Variants in ASIC2 observed in about 807,000 individuals in gnomAD.
ASIC2 encodes acid sensing ion channel subunit 2.
In ASIC2, 25 loss-of-function variants were observed where a neutral mutation model predicts 57.3. The observed-to-expected ratio is 0.44, with a 90% CI of 0.32 to 0.61. The LOEUF (loss-of-function observed/expected upper bound fraction) is 0.61, where lower values mean the gene tolerates loss of function less well. Among genes scored for constraint, ASIC2 ranks in the 20% least tolerant of loss-of-function variants. The probability of loss-of-function intolerance (pLI) is 0.06; values close to 1 mark genes in which losing one functional copy is unlikely to be tolerated. For missense variants in ASIC2, 641 were observed against 738.1 expected (o/e 0.87, Z 1.52); for synonymous variants, 319 against 307.5 (o/e 1.04, Z -0.39).
chr17:33,295,141 T>G (rs1257452414), upstream of ASIC2, among the ~76,000 whole-genome samples: 1 of 152,248 alleles, frequency 6.6e-6, no homozygotes, highest in Non-Finnish European at 1.5e-5. Context: ...TCAGCTGTTG[T>G]GGGCTTGCTC....
chr17:33,549,720 G>T (rs1427149162), intron 1 of ASIC2, among the ~76,000 whole-genome samples: 2 of 152,118 alleles, frequency 1.3e-5, no homozygotes, highest in Non-Finnish European at 2.9e-5. Flanking sequence ...CTCCTTTAGG[G>T]AAATCTGTGA....
intron 1 of ASIC2, among the ~76,000 whole-genome samples, chr17:33,511,834 T>C (rs970845892): frequency 6.6e-6 from 1 of 152,172 alleles, no homozygotes; most frequent in Admixed American, 6.5e-5. Flanking sequence ...ATGTGGGTGC[T>C]CTGTATATAG....
At chr17:33,301,320 T>A (rs1209763232) in intron 1 of ASIC2, among the ~76,000 whole-genome samples, 1 of 152,080 alleles carries the variant, frequency 6.6e-6, no homozygotes, top group Non-Finnish European at 1.5e-5. Flanking sequence ...GGATTGCAGG[T>A]GTGAGCCACC....
chr17:33,500,976 C>T (rs1024339588), intron 1 of ASIC2, among the ~76,000 whole-genome samples: 12 of 152,222 alleles, frequency 7.9e-5, no homozygotes, highest in East Asian at 3.9e-4. Flanking sequence ...GTTTTAGTAT[C>T]GACATGGTGC....
At chr17:33,058,649 C>A (rs995627555) in intron 3 of ASIC2, among the ~76,000 whole-genome samples, 2 of 152,066 alleles carry the variant, frequency 1.3e-5, no homozygotes, top group African/African-American at 4.8e-5. Context: ...ATCTTCCTTT[C>A]GGCCCCTACT....
At chr17:33,396,269 C>T (rs2141955679) in intron 1 of ASIC2, among the ~76,000 whole-genome samples, 1 of 152,124 alleles carries the variant, frequency 6.6e-6, no homozygotes, top group East Asian at 1.9e-4. Context: ...GCAGATGCAC[C>T]TCTGGCTTCT....
chr17:33,063,107 C>G (rs547961077), intron 3 of ASIC2, among the ~76,000 whole-genome samples: 1 of 152,138 alleles, frequency 6.6e-6, no homozygotes, highest in Non-Finnish European at 1.5e-5. Context: ...GGTCTTGACT[C>G]GTTATCCAAT....
chr17:33,737,026 G>A (rs1909935212), intron 1 of ASIC2, among the ~76,000 whole-genome samples: 2 of 152,316 alleles, frequency 1.3e-5, no homozygotes, highest in South Asian at 4.1e-4. Flanking sequence ...TGTCTTTTTA[G>A]TGCTGCATCA....
chr17:34,083,825 G>A (rs188068679), intron 1 of ASIC2, among the ~76,000 whole-genome samples: 64 of 152,278 alleles, frequency 4.2e-4, no homozygotes, highest in Admixed American at 1.9e-3. Flanking sequence ...GTCTTCTTTC[G>A]AGAAGTGTCT....
At chr17:33,655,079 A>G (rs1409447937) in intron 1 of ASIC2, among the ~76,000 whole-genome samples, 1 of 152,164 alleles carries the variant, frequency 6.6e-6, no homozygotes, top group Non-Finnish European at 1.5e-5. Flanking sequence ...CACCCCATAC[A>G]CTGGGACAAG....
At chr17:33,556,615 G>C (rs1198336968) in intron 1 of ASIC2, among the ~76,000 whole-genome samples, 3 of 152,196 alleles carry the variant, frequency 2.0e-5, no homozygotes, top group African/African-American at 7.2e-5. Context: ...CTAATCTAAA[G>C]GTTTGTGGCT....
intron 1 of ASIC2, among the ~76,000 whole-genome samples, chr17:33,999,296 C>T (rs1225867577): frequency 6.6e-6 from 1 of 152,032 alleles, no homozygotes; most frequent in Non-Finnish European, 1.5e-5. Flanking sequence ...ATAGTTGGGT[C>T]TTTAAAAAAA....
intron 1 of ASIC2, among the ~76,000 whole-genome samples, chr17:33,724,636 G>C (rs1037015222): frequency 1.3e-5 from 2 of 152,222 alleles, no homozygotes; most frequent in African/African-American, 4.8e-5. Context: ...GCACTTGGCA[G>C]AATGCAGCAG....
intron 1 of ASIC2, among the ~76,000 whole-genome samples, chr17:33,264,355 G>T (rs972193717): frequency 1.3e-5 from 2 of 152,230 alleles, no homozygotes; most frequent in African/African-American, 4.8e-5. Flanking sequence ...GCTTTGCATG[G>T]ATTGCCTCAG....
chr17:34,079,284 C>T (rs1300001069), intron 1 of ASIC2, among the ~76,000 whole-genome samples: 2 of 152,206 alleles, frequency 1.3e-5, no homozygotes, highest in Non-Finnish European at 2.9e-5. Context: ...TCCCTCCCCC[C>T]AGTATGAAGC....
At chr17:33,553,382 C>T (rs375366242) in intron 1 of ASIC2, among the ~76,000 whole-genome samples, 2 of 97,828 alleles carry the variant, frequency 2.0e-5, no homozygotes, top group Non-Finnish European at 4.0e-5. Context: ...ACAGGTGTCA[C>T]AACTTAAAGG....
At position 33,016,048 on chromosome 17, in the gene ASIC2, A is replaced by C; in HGVS notation, c.1522-9T>G. The stretch of plus-strand genomic sequence containing the variant: ...AGCTTCTCTTTGATCAGCTGCAAGA[A>C]AAGCAGGAAGGGGTTGGTCAGGCCG... On this transcript the variant is annotated splice_polypyrimidine_tract_variant and intron_variant, in intron 8 of 9. Transcript: ENST00000225823. 6.2e-7 allele frequency: 1 copy of C among 1,613,658 alleles called. No homozygotes were observed.
intron 1 of ASIC2, among the ~76,000 whole-genome samples, chr17:33,762,589 C>A (rs1910817844): frequency 6.6e-6 from 1 of 152,154 alleles, no homozygotes; most frequent in Non-Finnish European, 1.5e-5. Context: ...AGTCTATAAC[C>A]ATTTTCAGAA....
chr17:33,181,255 T>C (rs1905973208), intron 1 of ASIC2, among the ~76,000 whole-genome samples: 1 of 152,146 alleles, frequency 6.6e-6, no homozygotes, highest in Non-Finnish European at 1.5e-5. Flanking sequence ...GTGTGTAAAA[T>C]AAGGATAAAA....
Sources: gnomAD v4.1 joint callset for allele counts (sites outside exome capture counted in the v4.1 genomes callset) on GRCh38, gnomAD v4.1.1 for gene constraint, MANE v1.5 for transcripts, NCBI Gene and HGNC (gene_info 2026-07-23, HGNC 2026-07-21) for gene names.